The following BNC2 variants were observed in gnomAD, a reference collection of about 807,000 sequenced individuals.
The protein encoded by BNC2 is basonuclin zinc finger protein 2, also known as zinc finger protein basonuclin-2.
A neutral mutation model predicts 76.3 loss-of-function variants in BNC2; 20 were observed. The observed-to-expected ratio is 0.26, with a 90% CI of 0.18 to 0.38. BNC2 has a LOEUF of 0.38. BNC2 is among the 10% of genes least tolerant of loss of function. The pLI is 1.00. For missense variants in BNC2, 1,382 were observed against 1,399.8 expected (o/e 0.99, Z 0.20); for synonymous variants, 582 against 514.8 (o/e 1.13, Z -1.77).
At chr9:16,751,215 CTG>C (rs1486196857) in intron 1 of BNC2, among the ~76,000 whole-genome samples, 2 of 150,712 alleles carry the variant, frequency 1.3e-5, no homozygotes, top group Non-Finnish European at 3.0e-5. Flanking sequence ...AACTACAAAA[CTG>C]TGAAAACTTA....
chr9:16,765,782 ATT>A (rs762499077), intron 1 of BNC2, among the ~76,000 whole-genome samples: 28 of 134,780 alleles, frequency 2.1e-4, no homozygotes, highest in East Asian at 1.2e-3. Context: ...CACTCTCGTA[ATT>A]TTTTTTTTTT....
At chr9:16,431,266 T>A (rs1477267759) in intron 6 of BNC2, 1 of 245,564 alleles carries the variant, frequency 4.1e-6, no homozygotes. Context: ...GTATTTGTTA[T>A]TTTTCTTCCT....
At chr9:16,717,344 G>C (rs926737285) in intron 3 of BNC2, among the ~76,000 whole-genome samples, 6 of 151,424 alleles carry the variant, frequency 4.0e-5, no homozygotes, top group African/African-American at 1.5e-4. Flanking sequence ...TATAGCTTTA[G>C]GGAAAAAAAA....
At chr9:16,768,791 T>C (rs1825759816) in intron 1 of BNC2, among the ~76,000 whole-genome samples, 1 of 152,140 alleles carries the variant, frequency 6.6e-6, no homozygotes, top group Non-Finnish European at 1.5e-5. Flanking sequence ...AAAAAGACAA[T>C]TTATCAAAAG....
At chr9:16,421,197 C>T in intron 6 of BNC2, 1 of 1,149,178 alleles carries the variant, frequency 8.7e-7, no homozygotes, top group Non-Finnish European at 1.2e-6. Flanking sequence ...ATATACAGCA[C>T]TCTGGGTTTT....
intron 5 of BNC2, among the ~76,000 whole-genome samples, chr9:16,459,978 G>A (rs139913485): frequency 1.8e-4 from 28 of 152,262 alleles, no homozygotes; most frequent in East Asian, 5.8e-4. Flanking sequence ...GAGGGAAAGC[G>A]CACGTGCAAG....
At chr9:16,483,590 A>T (rs1337052644) in intron 5 of BNC2, among the ~76,000 whole-genome samples, 1 of 152,226 alleles carries the variant, frequency 6.6e-6, no homozygotes, top group African/African-American at 2.4e-5. Flanking sequence ...CCAGAGATGA[A>T]AATATTAATT....
chr9:16,861,217 C>T (rs1819402702), intron 1 of BNC2, among the ~76,000 whole-genome samples: 1 of 135,576 alleles, frequency 7.4e-6, no homozygotes, highest in Non-Finnish European at 1.6e-5. Context: ...AACCAGGCAT[C>T]GTGGCTTGCA....
In BNC2 at chr9:16,701,506, A is replaced by C. The variant is rs1587331139; in HGVS notation, c.330+26291T>G. ...AAGGTAGCAATAAAGTTATTAGTTA[A>C]CAATTTTCATTTTTTTATGCTTACT... On this transcript the variant is annotated intron_variant, in intron 3 of 6. Transcript: ENST00000380672. Among the ~76,000 whole-genome samples the C allele has an allele frequency of 4.6e-5, 7 of 152,374 alleles. No individual in the cohort carries two copies. The South Asian group carries it at 1.4e-3, about 32-fold the overall frequency.
At chr9:16,743,564 G>C (rs760865259) in intron 1 of BNC2, among the ~76,000 whole-genome samples, 2 of 152,212 alleles carry the variant, frequency 1.3e-5, no homozygotes, top group Admixed American at 6.5e-5. Flanking sequence ...CGGAGAGCAA[G>C]CATCTGTAAC....
At chr9:16,813,289 G>A (rs1247419422) in intron 1 of BNC2, among the ~76,000 whole-genome samples, 3 of 150,462 alleles carry the variant, frequency 2.0e-5, no homozygotes, top group African/African-American at 2.4e-5. Context: ...GTTTTGAGAC[G>A]GAGTCTGGCT....
rs554561943 is a variant in BNC2, at chr9:16,418,019, T to C, written c.*970A>G. 6.5e-6 allele frequency: 1 copy of C among 152,694 alleles called. No individual in the cohort carries two copies. Among genetic ancestry groups the C allele is most frequent in the Non-Finnish European group, 1.5e-5 (1 of 68,042 alleles). 9.5% of individuals were successfully genotyped at this position (152,694 alleles called of 1,614,324 possible). A position where few individuals can be genotyped will look rare whatever the true frequency, so the allele number is the denominator to read the frequency against. On this transcript the variant is annotated 3_prime_UTR_variant, in exon 7 of 7. Coordinates refer to ENST00000380672, the MANE Select transcript of BNC2 (RefSeq NM_017637.6). Reference sequence around the variant, plus strand: ...GTTGGCAGTTTTGTGTTAACACTAATACTTTGTTTGGCATTTGTGCCCTAT... The same window carrying C: ...GTTGGCAGTTTTGTGTTAACACTAACACTTTGTTTGGCATTTGTGCCCTAT...
rs1686376373 is a variant in BNC2 at position 16,415,519 on chromosome 9, G to A, written c.*3470C>T. The A allele has an allele frequency of 6.6e-6, 1 of 152,540 alleles. No individual in the cohort carries two copies. Among genetic ancestry groups the A allele is most frequent in the African/African-American group, 2.4e-5 (1 of 41,448 alleles). 9.4% of individuals were successfully genotyped at this position (152,540 alleles called of 1,614,324 possible). On this transcript the variant is annotated 3_prime_UTR_variant, in exon 7 of 7. Transcript: ENST00000380672. Reference sequence around the variant, plus strand: ...CCAGCATAGAATGCATGTGGCTTGAGAGAAACTGTTTAACAACAAAAAACT... The same window carrying A: ...CCAGCATAGAATGCATGTGGCTTGAAAGAAACTGTTTAACAACAAAAAACT...
intron 3 of BNC2, among the ~76,000 whole-genome samples, chr9:16,595,026 T>C (rs1260489068): frequency 2.0e-5 from 3 of 152,138 alleles, no homozygotes; most frequent in Non-Finnish European, 2.9e-5. Context: ...CCATATATAC[T>C]AGGATTTTCT....
intron 5 of BNC2, among the ~76,000 whole-genome samples, chr9:16,547,005 T>A (rs1182911584): frequency 1.3e-5 from 2 of 152,232 alleles, no homozygotes; most frequent in East Asian, 3.8e-4. Context: ...ACATGTGTTA[T>A]CTTCAGGAAG....
chr9:16,499,530 CTTTTTTTTT>C lies in BNC2; in HGVS notation c.669+52991_669+52999del, dbSNP rs763681726. 1.7e-4 allele frequency among the ~76,000 whole-genome samples: 21 copies of C among 127,102 alleles called. 1 individual carries two copies. The East Asian group carries it at 4.3e-3, about 26-fold the overall frequency. The allele number at this position is 127,102 out of a possible 152,430, so 83.4% of individuals were successfully genotyped here. A position where few individuals can be genotyped will look rare whatever the true frequency, so the allele number is the denominator to read the frequency against. On this transcript the variant is annotated intron_variant, in intron 5 of 6. Coordinates refer to ENST00000380672, the MANE Select transcript of BNC2 (RefSeq NM_017637.6). ...CTCCTCCCTAAATATCTTTTTTTTTCTTTTTTTTTTTTTTTTTGAGACAGAGTCTCACTC... is the reference window on the plus strand; with the variant it reads ...CTCCTCCCTAAATATCTTTTTTTTTCTTTTTTTTGAGACAGAGTCTCACTC...
At chr9:16,675,413 C>T (rs1464180018) in intron 3 of BNC2, among the ~76,000 whole-genome samples, 2 of 152,012 alleles carry the variant, frequency 1.3e-5, no homozygotes, top group African/African-American at 4.8e-5. Flanking sequence ...GTCACCACAC[C>T]CAGCTAATTT....
At chr9:16,739,236 C>T (rs1474107547) in intron 1 of BNC2, among the ~76,000 whole-genome samples, 1 of 152,180 alleles carries the variant, frequency 6.6e-6, no homozygotes, top group Non-Finnish European at 1.5e-5. Flanking sequence ...AGCCTGTTAT[C>T]TACCAACAGT....
At chr9:16,590,660 C>T (rs1039138066) in intron 3 of BNC2, among the ~76,000 whole-genome samples, 4 of 151,882 alleles carry the variant, frequency 2.6e-5, no homozygotes, top group African/African-American at 4.8e-5. Context: ...ATGAAAAATT[C>T]GCCGGGCGTG....
Sources: gnomAD v4.1 joint callset for allele counts (sites outside exome capture counted in the v4.1 genomes callset) on GRCh38, gnomAD v4.1.1 for gene constraint, MANE v1.5 for transcripts, NCBI Gene and HGNC (gene_info 2026-07-23, HGNC 2026-07-21) for gene names.